Variants in CXCL13 observed in about 807,000 individuals in gnomAD.
CXCL13 encodes C-X-C motif chemokine 13.
CXCL13 carries 7 observed loss-of-function variants against 12.2 expected under a neutral mutation model. The observed-to-expected ratio is 0.57, with a 90% CI of 0.33 to 1.07. The LOEUF (loss-of-function observed/expected upper bound fraction) is 1.07. CXCL13 is among the 50% of genes least tolerant of loss of function. The probability of loss-of-function intolerance (pLI) is 0.04; values close to 1 mark genes in which losing one functional copy is unlikely to be tolerated. For missense variants in CXCL13, 113 were observed against 127.4 expected (o/e 0.89, Z 0.55); for synonymous variants, 47 against 42.4 (o/e 1.11, Z -0.42).
chr4:77,599,105 G>A (rs1339374715), intron 1 of CXCL13, among the ~76,000 whole-genome samples: 2 of 152,196 alleles, frequency 1.3e-5, no homozygotes, highest in East Asian at 1.9e-4. Flanking sequence ...CACCGCACCC[G>A]GCCAGCCCCA....
chr4:77,526,860 A>T (rs1022474853), intron 1 of CXCL13, among the ~76,000 whole-genome samples: 1 of 152,180 alleles, frequency 6.6e-6, no homozygotes, highest in African/African-American at 2.4e-5. Flanking sequence ...AGGGCCAGCC[A>T]CTTGAACAGC....
intron 1 of CXCL13, among the ~76,000 whole-genome samples, chr4:77,518,522 C>A (rs200717285): frequency 6.6e-6 from 1 of 152,092 alleles, no homozygotes; most frequent in Non-Finnish European, 1.5e-5. Context: ...CTAAACTTCC[C>A]TTCTTGCTTC....
At chr4:77,511,900 C>A (rs1724282313) in intron 1 of CXCL13, 1 of 152,118 alleles carries the variant, frequency 6.6e-6, no homozygotes, top group South Asian at 2.1e-4. Context: ...GAATTTGTTT[C>A]CAAGTTATAC....
chr4:77,554,083 A>AT (rs1560524539), intron 1 of CXCL13, among the ~76,000 whole-genome samples: 1 of 152,108 alleles, frequency 6.6e-6, no homozygotes, highest in African/African-American at 2.4e-5. Flanking sequence ...AATAAAATTT[A>AT]TTTTTTTAAA....
At chr4:77,603,410 G>T (rs1345801846), upstream of CXCL13, among the ~76,000 whole-genome samples, 1 of 152,178 alleles carries the variant, frequency 6.6e-6, no homozygotes, top group Non-Finnish European at 1.5e-5. Context: ...CCTCTAGCTT[G>T]TACTGGCAAA....
intron 1 of CXCL13, among the ~76,000 whole-genome samples, chr4:77,558,352 A>G (rs1725714433): frequency 6.6e-6 from 1 of 152,098 alleles, no homozygotes; most frequent in African/African-American, 2.4e-5. Context: ...GGAGGAGTGA[A>G]CTACTTCTAA....
At chr4:77,544,337 G>C (rs1342323367) in intron 1 of CXCL13, among the ~76,000 whole-genome samples, 1 of 152,144 alleles carries the variant, frequency 6.6e-6, no homozygotes, top group East Asian at 1.9e-4. Flanking sequence ...CTTCCACAAT[G>C]GTTGAACTAG....
At chr4:77,601,941 G>A (rs780849083), upstream of CXCL13, among the ~76,000 whole-genome samples, 13 of 152,196 alleles carry the variant, frequency 8.5e-5, no homozygotes, top group Non-Finnish European at 1.5e-4. Context: ...CTTTTCTATT[G>A]TGCTGAAAGT....
At chr4:77,604,176 C>T (rs962834461), upstream of CXCL13, among the ~76,000 whole-genome samples, 9 of 152,300 alleles carry the variant, frequency 5.9e-5, no homozygotes, top group African/African-American at 1.9e-4. Flanking sequence ...TCTGAGGAGG[C>T]CCAGCTAAGG....
chr4:77,581,915 C>T (rs781148994), intron 1 of CXCL13, among the ~76,000 whole-genome samples: 11 of 152,148 alleles, frequency 7.2e-5, no homozygotes, highest in Non-Finnish European at 1.3e-4. Flanking sequence ...GAACTGGTTG[C>T]AATTTTGGTT....
intron 1 of CXCL13, among the ~76,000 whole-genome samples, chr4:77,572,100 C>G (rs1371903187): frequency 6.6e-6 from 1 of 151,932 alleles, no homozygotes; most frequent in Non-Finnish European, 1.5e-5. Context: ...GGGTCCGCGG[C>G]TTCATTCTTG....
At chr4:77,585,390 G>T (rs747090896) in intron 1 of CXCL13, among the ~76,000 whole-genome samples, 2 of 152,192 alleles carry the variant, frequency 1.3e-5, no homozygotes, top group Non-Finnish European at 2.9e-5. Flanking sequence ...TGCAGAGCAG[G>T]TTGCGGCTGA....
chr4:77,562,475 G>T (rs984527187), intron 1 of CXCL13, among the ~76,000 whole-genome samples: 3 of 152,040 alleles, frequency 2.0e-5, no homozygotes, highest in Non-Finnish European at 4.4e-5. Context: ...TCAGTACTCT[G>T]TGTCTAGCTC....
At chr4:77,569,269 A>G (rs745528815) in intron 1 of CXCL13, among the ~76,000 whole-genome samples, 2 of 152,190 alleles carry the variant, frequency 1.3e-5, no homozygotes, top group Non-Finnish European at 2.9e-5. Context: ...GGCCAGAGCA[A>G]TCAGGCAAGA....
chr4:77,539,846 T>A (rs1311568425), intron 1 of CXCL13, among the ~76,000 whole-genome samples: 2 of 152,070 alleles, frequency 1.3e-5, no homozygotes, highest in Non-Finnish European at 2.9e-5. Flanking sequence ...CTGACATTCC[T>A]GGTGTGTGTG....
At chr4:77,558,176 C>G (rs2109810858) in intron 1 of CXCL13, among the ~76,000 whole-genome samples, 1 of 152,356 alleles carries the variant, frequency 6.6e-6, no homozygotes, top group South Asian at 2.1e-4. Context: ...GTTCCTTTAT[C>G]ACTTCTAAGA....
intron 1 of CXCL13, among the ~76,000 whole-genome samples, chr4:77,525,976 G>A (rs1724754698): frequency 6.7e-6 from 1 of 150,196 alleles, no homozygotes; most frequent in Non-Finnish European, 1.5e-5. Context: ...ACTACTGCAG[G>A]CCACAACATG....
At chr4:77,575,047 A>C (rs368665070) in intron 1 of CXCL13, among the ~76,000 whole-genome samples, 14 of 152,080 alleles carry the variant, frequency 9.2e-5, no homozygotes, top group African/African-American at 3.1e-4. Context: ...TAGCTTGCAA[A>C]AGAAATTCTG....
At chr4:77,528,264 C>T (rs1252014472) in intron 1 of CXCL13, among the ~76,000 whole-genome samples, 5 of 152,192 alleles carry the variant, frequency 3.3e-5, no homozygotes, top group Non-Finnish European at 7.3e-5. Flanking sequence ...TTTATAGCAG[C>T]ATGATTTATA....
Sources: gnomAD v4.1 joint callset for allele counts (sites outside exome capture counted in the v4.1 genomes callset) on GRCh38, gnomAD v4.1.1 for gene constraint, MANE v1.5 for transcripts, NCBI Gene and HGNC (gene_info 2026-07-23, HGNC 2026-07-21) for gene names.